ZC3HAV1: variants seen among roughly 807,000 people sequenced by gnomAD.
ZC3HAV1 encodes zinc finger CCCH-type containing, antiviral 1.
In ZC3HAV1, 41 loss-of-function variants were observed where a neutral mutation model predicts 86.6. That is an observed-to-expected ratio of 0.47 (90% CI 0.37 to 0.61). The LOEUF is 0.61. Among genes scored for constraint, ZC3HAV1 ranks in the 20% least tolerant of loss-of-function variants. The pLI is 0.00. For missense variants in ZC3HAV1, 964 were observed against 1,141.1 expected (o/e 0.84, Z 2.24); for synonymous variants, 421 against 432.1 (o/e 0.97, Z 0.32).
At position 139,057,536 on chromosome 7, in the gene ZC3HAV1, T is replaced by TAAAAAATAAATGCTTGAAGGAAAAAACTC. The variant is rs1584840609; in HGVS notation, c.2097-2242_2097-2241insGAGTTTTTTCCTTCAAGCATTTATTTTTT. Among the ~76,000 whole-genome samples the TAAAAAATAAATGCTTGAAGGAAAAAACTC allele has an allele frequency of 5.6e-3, 338 of 59,902 alleles. 54 individuals are homozygous for TAAAAAATAAATGCTTGAAGGAAAAAACTC. The highest frequency in any genetic ancestry group is 0.011 in the African/African-American group (119 of 11,088). 39.3% of individuals were successfully genotyped at this position (59,902 alleles called of 152,430 possible). On this transcript the variant is annotated intron_variant, in intron 9 of 12. Coordinates refer to ENST00000242351, the MANE Select transcript of ZC3HAV1 (RefSeq NM_020119.4). ...TTCCATGATCAAAACAATTACATTTTTTTTTTTTTTTTTTTTTTTTGAGAC... is the reference window on the plus strand; with the variant it reads ...TTCCATGATCAAAACAATTACATTTTAAAAAATAAATGCTTGAAGGAAAAAACTCTTTTTTTTTTTTTTTTTTTTGAGAC...
At chr7:139,099,689 G>C (rs1020602519) in intron 1 of ZC3HAV1, among the ~76,000 whole-genome samples, 3 of 152,174 alleles carry the variant, frequency 2.0e-5, no homozygotes, top group African/African-American at 7.2e-5. Context: ...TACTTCGGGA[G>C]GCCCAGGAGG....
chr7:139,077,689 T>C (rs928127794), intron 5 of ZC3HAV1, among the ~76,000 whole-genome samples: 1 of 152,216 alleles, frequency 6.6e-6, no homozygotes, highest in African/African-American at 2.4e-5. Flanking sequence ...GGCTGAAGAA[T>C]GAATTGATGT....
In ZC3HAV1 at chr7:139,044,348, C is replaced by T. The variant is rs1815899633; in HGVS notation, c.*3246G>A. ...TAATCGGCTCTTAAATCCAAACCTA[C>T]TCATTACAAGGAAGAGTAAACATCT... On this transcript the variant is annotated 3_prime_UTR_variant, in exon 13 of 13. Coordinates refer to ENST00000242351, the MANE Select transcript of ZC3HAV1 (RefSeq NM_020119.4). The T allele has an allele frequency of 6.6e-6, 1 of 152,170 alleles. No individual in the cohort carries two copies. Among genetic ancestry groups the T allele is most frequent in the Non-Finnish European group, 1.5e-5 (1 of 68,036 alleles). 9.4% of individuals were successfully genotyped at this position (152,170 alleles called of 1,614,324 possible). A position where few individuals can be genotyped will look rare whatever the true frequency, so the allele number is the denominator to read the frequency against.
chr7:139,068,280 C>T (rs978377465), intron 7 of ZC3HAV1, among the ~76,000 whole-genome samples: 1 of 151,950 alleles, frequency 6.6e-6, no homozygotes, highest in African/African-American at 2.4e-5. Flanking sequence ...GGCTGGTCTC[C>T]AATTTCTGAC....
Position 139,044,823 on chromosome 7 carries a change from G to C in ZC3HAV1, c.*2771C>G, listed in dbSNP as rs1584829693. 1 of 152,390 alleles carries C rather than the reference G, an allele frequency of 6.6e-6. No individual in the cohort carries two copies. The highest frequency in any genetic ancestry group is 2.4e-5 in the African/African-American group (1 of 41,380). 9.4% of individuals were successfully genotyped at this position (152,390 alleles called of 1,614,324 possible). A position where few individuals can be genotyped will look rare whatever the true frequency, so the allele number is the denominator to read the frequency against. On this transcript the variant is annotated 3_prime_UTR_variant, in exon 13 of 13. Transcript: ENST00000242351. The stretch of plus-strand genomic sequence containing the variant: ...AATATATCCTCATTTTCTCCACTTC[G>C]ACAACTGTACATTTTCTTGCATAGT...
At chr7:139,099,150 G>GAGAGTCAAATTTGATCAA (rs1563141275) in intron 1 of ZC3HAV1, among the ~76,000 whole-genome samples, 1 of 151,964 alleles carries the variant, frequency 6.6e-6, no homozygotes, top group Non-Finnish European at 1.5e-5. Flanking sequence ...TGCAGACACC[G>GAGAGTCAAATTTGATCAA]AGAGTCAAAT....
At chr7:139,095,304 T>A (rs1237427323) in intron 1 of ZC3HAV1, among the ~76,000 whole-genome samples, 1 of 152,146 alleles carries the variant, frequency 6.6e-6, no homozygotes, top group Non-Finnish European at 1.5e-5. Flanking sequence ...TGCCGTGTTA[T>A]TAGAGGGTAG....
intron 9 of ZC3HAV1, among the ~76,000 whole-genome samples, chr7:139,057,602 G>C (rs1401873937): frequency 4.8e-5 from 1 of 20,814 alleles, no homozygotes; most frequent in Non-Finnish European, 8.5e-5. Flanking sequence ...GCAGTGGCGC[G>C]ATCTCGGCTC....
At chr7:139,085,519 T>A (rs979106266) in intron 2 of ZC3HAV1, among the ~76,000 whole-genome samples, 1 of 152,194 alleles carries the variant, frequency 6.6e-6, no homozygotes, top group Admixed American at 6.5e-5. Context: ...TATTTTAACA[T>A]TGTGACTAAC....
At chr7:139,102,296 A>G (rs1038695028) in intron 1 of ZC3HAV1, among the ~76,000 whole-genome samples, 2 of 152,166 alleles carry the variant, frequency 1.3e-5, no homozygotes, top group Non-Finnish European at 1.5e-5. Flanking sequence ...ACTGTGTCCA[A>G]CTAATTTTAT....
intron 9 of ZC3HAV1, among the ~76,000 whole-genome samples, chr7:139,058,662 G>A (rs921164000): frequency 6.6e-6 from 1 of 152,174 alleles, no homozygotes; most frequent in Non-Finnish European, 1.5e-5. Flanking sequence ...TATAGTATGG[G>A]AAAGTGGCAT....
chr7:139,095,740 A>G (rs186492441), intron 1 of ZC3HAV1, among the ~76,000 whole-genome samples: 60 of 152,342 alleles, frequency 3.9e-4, no homozygotes, highest in Non-Finnish European at 6.8e-4. Flanking sequence ...CAGTCTCTCC[A>G]GTCTTGACTT....
Position 139,047,202 on chromosome 7 carries a change from G to T in ZC3HAV1, c.*392C>A, listed in dbSNP as rs543093543. ...AAATTAGCTGGGCGCGGCAGTGTGT[G>T]CCTGTAGTTCCAGCTACTCGGGAGG... On this transcript the variant is annotated 3_prime_UTR_variant, in exon 13 of 13. Transcript: ENST00000242351. 45 of 241,824 alleles carry T rather than the reference G, an allele frequency of 1.9e-4. 1 individual carries two copies. In the South Asian group the frequency reaches 1.9e-3, roughly 10 times the overall value. 15.0% of individuals were successfully genotyped at this position (241,824 alleles called of 1,614,324 possible). A position where few individuals can be genotyped will look rare whatever the true frequency, so the allele number is the denominator to read the frequency against.
intron 3 of ZC3HAV1, among the ~76,000 whole-genome samples, chr7:139,083,470 T>C (rs1450996647): frequency 6.6e-6 from 1 of 152,162 alleles, no homozygotes; most frequent in African/African-American, 2.4e-5. Context: ...GGCTCATGCT[T>C]GTAATCCCAG....
rs1818000194 is a variant in ZC3HAV1, at chr7:139,108,423, G to C, written c.308+601C>G. 6.6e-6 allele frequency among the ~76,000 whole-genome samples: 1 copy of C among 152,054 alleles called. No individual in the cohort carries two copies. The highest frequency in any genetic ancestry group is 2.4e-5 in the African/African-American group (1 of 41,392). On this transcript the variant is annotated intron_variant, in intron 1 of 12. Coordinates refer to ENST00000242351, the MANE Select transcript of ZC3HAV1 (RefSeq NM_020119.4). This position sits in a 1 kb window ranked among gnomAD's most constrained non-coding sequence, Gnocchi z 4.2. ...CCACCCGGAGGGAAGGCCCGCGGCT[G>C]CTACAACTTCAGGAACCTGGAAAAG...
intron 7 of ZC3HAV1, among the ~76,000 whole-genome samples, chr7:139,071,002 A>G (rs997503885): frequency 3.3e-5 from 5 of 151,562 alleles, no homozygotes; most frequent in Non-Finnish European, 7.4e-5. Flanking sequence ...AAAGCTCAGG[A>G]AGTTTCTTGA....
chr7:139,088,031 C>CAAAAAAAAA (rs10544425), intron 2 of ZC3HAV1, among the ~76,000 whole-genome samples: 3 of 57,866 alleles, frequency 5.2e-5, no homozygotes, highest in Admixed American at 2.3e-4. Context: ...GATCCTGTCT[C>CAAAAAAAAA]AAAAAAAAAA....
Position 139,109,417 on chromosome 7 carries a change from G to A in ZC3HAV1, c.-86C>T. On this transcript the variant is annotated 5_prime_UTR_variant, in exon 1 of 13. Coordinates refer to ENST00000242351, the MANE Select transcript of ZC3HAV1 (RefSeq NM_020119.4). ...TCGAAACTTACAAGTGTCCAGGGGC[G>A]GGCGCGGGCGGTGCTACTGCTGGGC... The A allele has an allele frequency of 4.9e-6, 7 of 1,426,230 alleles. No individual in the cohort carries two copies. The highest frequency in any genetic ancestry group is 6.4e-6 in the Non-Finnish European group (7 of 1,090,076). 88.3% of individuals were successfully genotyped at this position (1,426,230 alleles called of 1,614,324 possible).
At chr7:139,055,080 G>T in intron 10 of ZC3HAV1, 125 bp downstream of exon 10, 1 of 836,702 alleles carries the variant, frequency 1.2e-6, no homozygotes, top group Non-Finnish European at 1.9e-6. Context: ...CTGAGCCACT[G>T]CACCCAGCCG....
Sources: allele counts gnomAD v4.1 joint callset (sites outside exome capture counted in the v4.1 genomes callset), GRCh38; gene constraint gnomAD v4.1.1; non-coding constraint Gnocchi (gnomAD v3.1); transcripts MANE v1.5; gene names NCBI Gene and HGNC (gene_info 2026-07-23, HGNC 2026-07-21).